The following ODAD3 variants were observed in gnomAD, a reference collection of about 807,000 sequenced individuals.
ODAD3 encodes outer dynein arm docking complex subunit 3, also known as outer dynein arm-docking complex subunit 3.
A neutral mutation model predicts 70.9 loss-of-function variants in ODAD3; 57 were observed. The observed-to-expected ratio is 0.80, with a 90% CI of 0.65 to 1.00. ODAD3 has a LOEUF of 1.00. Among genes scored for constraint, ODAD3 ranks in the 50% least tolerant of loss-of-function variants. ODAD3 has a pLI of 0.00. For missense variants in ODAD3, 797 were observed against 763.9 expected (o/e 1.04, Z -0.51); for synonymous variants, 327 against 315.9 (o/e 1.04, Z -0.37).
rs1175638720 is a variant in ODAD3 at position 11,425,051 on chromosome 19, ATG to A, written c.964-1024_964-1023del. 2.3e-4 allele frequency among the ~76,000 whole-genome samples: 29 copies of A among 124,100 alleles called. 4 individuals carry two copies. The East Asian group carries it at 4.1e-3, about 17-fold the overall frequency. 81.4% of individuals were successfully genotyped at this position (124,100 alleles called of 152,430 possible). A position where few individuals can be genotyped will look rare whatever the true frequency, so the allele number is the denominator to read the frequency against. On this transcript the variant is annotated intron_variant, in intron 7 of 12. Coordinates refer to ENST00000356392, the MANE Select transcript of ODAD3 (RefSeq NM_145045.5). ...TGTGCATATATACATATGTGTATAT[ATG>A]TGTATATGTGTATATATGTATATGT...
At chr19:11,423,781 G>C in intron 8 of ODAD3, 96 bp downstream of exon 8, 1 of 1,297,162 alleles carries the variant, frequency 7.7e-7, no homozygotes, top group Non-Finnish European at 1.1e-6. Context: ...GCAGAGAGGG[G>C]AGACAGGGTG....
Position 11,426,227 on chromosome 19 carries a change from GCTCT to G in ODAD3, c.876_879del (p.Glu293AlafsTer8). On this transcript the variant is annotated frameshift_variant, in exon 7 of 13. Transcript: ENST00000356392. LOFTEE classifies it high-confidence loss of function. ...CTTATGTAGCGTTCCCGCTTCTTGC[GCTCT>G]CGAACCAAGGTCTCCTCTAGGTACT... 1.2e-6 allele frequency: 2 copies of G among 1,613,864 alleles called. No homozygotes were observed. The highest frequency in any genetic ancestry group is 8.5e-7 in the Non-Finnish European group (1 of 1,179,944).
intron 7 of ODAD3, among the ~76,000 whole-genome samples, chr19:11,425,820 C>A (rs40501): frequency 6.6e-6 from 1 of 150,852 alleles, no homozygotes; most frequent in Admixed American, 6.6e-5. Flanking sequence ...CCTTAGGCAA[C>A]GGTTGGCTCA....
rs1251127227 is a variant in ODAD3, at chr19:11,422,915, T to A, written c.1117-54A>T. ...CAGGGCCTAGGGAGCGTAGGGGCGC[T>A]CCACCTCCTCTCCCCCACCCTGCGA... On this transcript the variant is annotated intron_variant, in intron 8 of 12. Coordinates refer to ENST00000356392, the MANE Select transcript of ODAD3 (RefSeq NM_145045.5). The surrounding 1 kb of genome is among the most constrained non-coding windows in gnomAD (Gnocchi z 4.6). 6.4e-7 allele frequency: 1 copy of A among 1,565,408 alleles called. No individual in the cohort carries two copies. The highest frequency in any genetic ancestry group is 1.4e-5 in the African/African-American group (1 of 74,046).
upstream of ODAD3, chr19:11,435,450 T>C: frequency 2.8e-6 from 1 of 359,834 alleles, no homozygotes; most frequent in East Asian, 8.1e-5. Flanking sequence ...GGAGGTACGC[T>C]GCGCCGCCAT....
chr19:11,426,459 C>G lies in ODAD3; in HGVS notation c.827G>C (p.Arg276Pro). The G allele has an allele frequency of 6.2e-7, 1 of 1,614,004 alleles. No individual in the cohort carries two copies. The highest frequency in any genetic ancestry group is 8.5e-7 in the Non-Finnish European group (1 of 1,179,940). ...HVVNQEALNARDIAKNQLQYL... is the reference protein window; with the variant it reads ...HVVNQEALNAPDIAKNQLQYL... ...GAGGGGTGGCACCTTGGCAATGTCC[C>G]GGGCATTGAGGGCCTCTTGGTTCAC... is the stretch of plus-strand genomic sequence containing the variant. The change falls in exon 6 of 13, where the codon CGG (arginine) becomes CCG (proline). Residue 276 changes from arginine (R) to proline (P), a missense_variant. Physicochemically the swap from Arg to Pro is moderately radical, Grantham distance 103 (BLOSUM62 -2). Transcript: ENST00000356392.
chr19:11,430,845 G>T (rs1347819911), intron 2 of ODAD3, 54 bp downstream of exon 2: 3 of 1,613,726 alleles, frequency 1.9e-6, no homozygotes, highest in Non-Finnish European at 2.5e-6. Context: ...CTACCTACTT[G>T]TCCCCCACCA....
Position 11,423,890 on chromosome 19 carries a change from G to A in ODAD3, c.1103C>T (p.Thr368Ile). 6.2e-7 allele frequency: 1 copy of A among 1,612,132 alleles called. No individual in the cohort carries two copies. The highest frequency in any genetic ancestry group is 1.1e-5 in the South Asian group (1 of 91,048). ...IFGKVKDATG[T>I]DETHSLVRRF... ...GGCAGAACTCACGTGCGTCTCGTCA[G>A]TGCCAGTGGCGTCCTTGACCTTGCC... Residue 368 changes from threonine (T) to isoleucine (I), a missense_variant, in exon 8 of 13, where the codon ACT becomes ATT. Physicochemically the swap from Thr to Ile is moderately conservative, Grantham distance 89 (BLOSUM62 -1). Transcript: ENST00000356392.
Position 11,422,803 on chromosome 19 carries a change from T to C in ODAD3, c.1175A>G (p.Lys392Arg). Reference sequence around the variant, plus strand: ...CACCAACGTCTGCTCGTTCTCGCTCTTGAGCGTCTCCAACTGCGCGAAGGT... The same window carrying C: ...CACCAACGTCTGCTCGTTCTCGCTCCTGAGCGTCTCCAACTGCGCGAAGGT... ...GDTFAQLETLKSENEQTLVRL... is the reference protein window; with the variant it reads ...GDTFAQLETLRSENEQTLVRL... The change falls in exon 9 of 13, where the codon AAG becomes AGG. Residue 392 changes from lysine to arginine, a missense_variant. Transcript: ENST00000356392. This position sits in a 1 kb window ranked among gnomAD's most constrained non-coding sequence, Gnocchi z 4.6. 1.2e-6 allele frequency: 2 copies of C among 1,609,820 alleles called. No homozygotes were observed. The highest frequency in any genetic ancestry group is 1.7e-6 in the Non-Finnish European group (2 of 1,179,912).
At chr19:11,423,528 G>C (rs913138779) in intron 8 of ODAD3, among the ~76,000 whole-genome samples, 1 of 152,182 alleles carries the variant, frequency 6.6e-6, no homozygotes, top group Non-Finnish European at 1.5e-5. Context: ...CTGGGTCCCA[G>C]ACCATGTTAC....
At chr19:11,429,184 T>TGTA (rs1969452169) in intron 3 of ODAD3, among the ~76,000 whole-genome samples, 1 of 151,754 alleles carries the variant, frequency 6.6e-6, no homozygotes, top group African/African-American at 2.4e-5. Flanking sequence ...CGGCCTTTAA[T>TGTA]TTTTTATCTT....
Position 11,425,143 on chromosome 19 carries a change from GTACATATGTATATA to G in ODAD3, c.963+987_963+1000del, listed in dbSNP as rs1350036195. 3.6e-4 allele frequency among the ~76,000 whole-genome samples: 45 copies of G among 124,640 alleles called. 5 individuals carry two copies. Among genetic ancestry groups the G allele is most frequent in the South Asian group, 4.9e-4 (2 of 4,118 alleles). 81.8% of individuals were successfully genotyped at this position (124,640 alleles called of 152,430 possible). ...TGTACATATGTGTATATGTGTATAT[GTACATATGTATATA>G]TACATATGTGTATATGTACATATGT... On this transcript the variant is annotated intron_variant, in intron 7 of 12. Transcript: ENST00000356392.
chr19:11,426,227 G>A lies in ODAD3; in HGVS notation c.880C>T (p.Arg294Cys), dbSNP rs1378021451. ...QYLEETLVRERKKRERYISEC... is the reference protein window; with the variant it reads ...QYLEETLVRECKKRERYISEC... ...CTTATGTAGCGTTCCCGCTTCTTGCGCTCTCGAACCAAGGTCTCCTCTAGG... is the reference window on the plus strand; with the variant it reads ...CTTATGTAGCGTTCCCGCTTCTTGCACTCTCGAACCAAGGTCTCCTCTAGG... Residue 294 changes from arginine (R) to cysteine (C), a missense_variant, in exon 7 of 13, where the codon CGC (arginine) becomes TGC (cysteine). Coordinates refer to ENST00000356392, the MANE Select transcript of ODAD3 (RefSeq NM_145045.5). The A allele has an allele frequency of 3.0e-5, 49 of 1,613,746 alleles. No individual in the cohort carries two copies. The highest frequency in any genetic ancestry group is 3.4e-5 in the Non-Finnish European group (40 of 1,179,952).
chr19:11,435,335 C>A, upstream of ODAD3: 1 of 611,300 alleles, frequency 1.6e-6, no homozygotes, highest in Non-Finnish European at 2.6e-6. Context: ...GGGTCACGTG[C>A]TCATTCCGTT....
Position 11,435,067 on chromosome 19 carries a change from C to T in ODAD3, c.-51G>A, listed in dbSNP as rs373335546. On this transcript the variant is annotated 5_prime_UTR_variant, in exon 1 of 13. Transcript: ENST00000356392. Reference sequence around the variant, plus strand: ...AGGGGTTAGGGGGATAACTAGGAGTCAGTCGCCCCTGTCAGGGATCCGTCA... The same window carrying T: ...AGGGGTTAGGGGGATAACTAGGAGTTAGTCGCCCCTGTCAGGGATCCGTCA... 11 of 1,546,158 alleles carry T rather than the reference C, an allele frequency of 7.1e-6. No individual in the cohort carries two copies. In the African/African-American group the frequency reaches 1.1e-4, roughly 15 times the overall value.
chr19:11,425,020 T>C (rs1228289387), intron 7 of ODAD3, among the ~76,000 whole-genome samples: 2 of 133,824 alleles, frequency 1.5e-5, no homozygotes, highest in Non-Finnish European at 3.1e-5. Flanking sequence ...TGTGTATATA[T>C]ACATATGTGC....
chr19:11,425,019 A>G (rs185079447), intron 7 of ODAD3, among the ~76,000 whole-genome samples: 3,272 of 117,596 alleles, frequency 0.028, 352 homozygotes, highest in East Asian at 0.078. Context: ...ATGTGTATAT[A>G]TACATATGTG....
intron 10 of ODAD3, 46 bp from the exon 11 acceptor site, chr19:11,421,878 T>C: frequency 6.4e-7 from 1 of 1,572,764 alleles, no homozygotes; most frequent in Admixed American, 1.9e-5. Context: ...GTGGGGCCTC[T>C]TGGAAGGCTC....
At chr19:11,424,497 ATATATATGTATATATGTATATATATG>A (rs1568347946) in intron 7 of ODAD3, among the ~76,000 whole-genome samples, 14 of 142,170 alleles carry the variant, frequency 9.8e-5, no homozygotes, top group Admixed American at 2.8e-4. Flanking sequence ...AAAAATCCAT[ATATATATGTATATATGTATATATATG>A]TATATATGTA....
Sources: gnomAD v4.1 joint callset for allele counts (sites outside exome capture counted in the v4.1 genomes callset) on GRCh38, gnomAD v4.1.1 for gene constraint, Gnocchi (gnomAD v3.1) non-coding constraint, MANE v1.5 for transcripts, NCBI Gene and HGNC (gene_info 2026-07-23, HGNC 2026-07-21) for gene names.